Variants in GBP6 observed in about 807,000 individuals in gnomAD.
GBP6 encodes the protein guanylate-binding protein 6.
GBP6 carries 54 observed loss-of-function variants against 61.5 expected under a neutral mutation model. The observed-to-expected ratio is 0.88, with a 90% CI of 0.71 to 1.10. The LOEUF is 1.10. Among genes scored for constraint, GBP6 ranks in the 50% least tolerant of loss-of-function variants. The pLI, the probability that GBP6 is intolerant of heterozygous loss-of-function variation, is 0.00. For synonymous variants in GBP6, 255 were observed against 273.7 expected, an observed-to-expected ratio of 0.93 and a Z score of 0.67; for missense variants, 748 against 752.8, an observed-to-expected ratio of 0.99 and a Z score of 0.07.
At chr1:89,365,444 G>T (rs760957269) in intron 1 of GBP6, among the ~76,000 whole-genome samples, 1 of 152,192 alleles carries the variant, frequency 6.6e-6, no homozygotes, top group Admixed American at 6.5e-5. Flanking sequence ...TCAGGACCTC[G>T]TGTTTGATCT....
chr1:89,369,418 T>G, intron 2 of GBP6, 128 bp from the exon 3 acceptor site: 2 of 1,134,430 alleles, frequency 1.8e-6, no homozygotes, highest in Non-Finnish European at 2.4e-6. Context: ...AAGCCATTCT[T>G]GAGGAAATAC....
At position 89,383,674 on chromosome 1, in the gene GBP6, T is replaced by A; in HGVS notation, c.1388T>A (p.Phe463Tyr). 6.2e-7 allele frequency: 1 copy of A among 1,609,962 alleles called. No individual in the cohort carries two copies. The highest frequency in any genetic ancestry group is 8.5e-7 in the Non-Finnish European group (1 of 1,179,002). ...TAGGCAAAAGAGGTCTTCCAGAGGTTCCTGGAGTCACAGATGGTGATAGAG... is the reference window on the plus strand; with the variant it reads ...TAGGCAAAAGAGGTCTTCCAGAGGTACCTGGAGTCACAGATGGTGATAGAG... ...GVKAKEVFQR[F>Y]LESQMVIEES... is the part of the protein sequence containing the mutation. Residue 463 changes from phenylalanine (F) to tyrosine (Y), a missense_variant, in exon 9 of 11, where the codon TTC (phenylalanine) becomes TAC (tyrosine). By Grantham distance (22) the Phe-to-Tyr change is conservative. Transcript: ENST00000370456.
Position 89,378,513 on chromosome 1 carries a change from C to A in GBP6, c.525C>A (p.Asp175Glu), listed in dbSNP as rs1652871275. The A allele has an allele frequency of 1.9e-6, 3 of 1,614,108 alleles. No homozygotes were observed. The highest frequency in any genetic ancestry group is 2.5e-6 in the Non-Finnish European group (3 of 1,179,978). ...CAGAGTTTGTGAGTTTCTTCCCAGA[C>A]TTTCTTTGGACAGTACGGGATTTCA... ...DSTEFVSFFP[D>E]FLWTVRDFTL... Residue 175 changes from aspartate to glutamate, a missense_variant, in exon 5 of 11, where the codon GAC becomes GAA. Transcript: ENST00000370456.
At chr1:89,367,093 T>A (rs941066502) in intron 1 of GBP6, among the ~76,000 whole-genome samples, 1 of 152,236 alleles carries the variant, frequency 6.6e-6, no homozygotes, top group African/African-American at 2.4e-5. Context: ...TTTTGGCTAT[T>A]GTGCATAATG....
intron 1 of GBP6, among the ~76,000 whole-genome samples, chr1:89,364,830 A>C (rs1224606415): frequency 1.3e-5 from 2 of 151,722 alleles, no homozygotes; most frequent in African/African-American, 4.8e-5. Flanking sequence ...GTTTAAAATA[A>C]AAAAGATTTT....
At chr1:89,369,325 C>G (rs904241394) in intron 2 of GBP6, among the ~76,000 whole-genome samples, 5 of 152,178 alleles carry the variant, frequency 3.3e-5, no homozygotes, top group Non-Finnish European at 5.9e-5. Context: ...ATAGATTTCT[C>G]TTTGTCTCCA....
Position 89,385,253 on chromosome 1 carries a change from A to C in GBP6, c.1686A>C (p.Glu562Asp), listed in dbSNP as rs186525899. The C allele has an allele frequency of 6.2e-7, 1 of 1,613,714 alleles. No individual in the cohort carries two copies. Among genetic ancestry groups the C allele is most frequent in the African/African-American group, 1.3e-5 (1 of 75,050 alleles). ...AGGTCCAAAATGATTGGCTTCATGA[A>C]GGATTTAAGAAGAAGTATGAGGAGA... is the stretch of plus-strand genomic sequence containing the variant. Reference protein sequence around the residue: ...TQKVQNDWLHEGFKKKYEEMN... With the variant: ...TQKVQNDWLHDGFKKKYEEMN... Residue 562 changes from glutamate to aspartate, a missense_variant, in exon 11 of 11, where the codon GAA (glutamate) becomes GAC (aspartate). Transcript: ENST00000370456.
At chr1:89,382,900 G>T in intron 8 of GBP6, 24 bp downstream of exon 8, 1 of 1,522,862 alleles carries the variant, frequency 6.6e-7, no homozygotes, top group Non-Finnish European at 9.1e-7. Flanking sequence ...GGAGCATGGG[G>T]AAGTTTATAG....
intron 3 of GBP6, among the ~76,000 whole-genome samples, chr1:89,373,056 A>G (rs1476356870): frequency 2.0e-5 from 3 of 152,268 alleles, no homozygotes; most frequent in Non-Finnish European, 4.4e-5. Flanking sequence ...CAGCAGACAC[A>G]TGAAAAAACG....
intron 3 of GBP6, among the ~76,000 whole-genome samples, chr1:89,369,927 C>T (rs531728022): frequency 3.9e-5 from 6 of 152,288 alleles, no homozygotes; most frequent in African/African-American, 1.4e-4. Context: ...AGTTCCAGGC[C>T]TTGGGGCTGA....
At chr1:89,384,855 C>T (rs970186800) in intron 10 of GBP6, among the ~76,000 whole-genome samples, 1 of 152,136 alleles carries the variant, frequency 6.6e-6, no homozygotes, top group Non-Finnish European at 1.5e-5. Flanking sequence ...AAAGTTCTCT[C>T]ATAAGGGATT....
chr1:89,383,726 C>T lies in GBP6; in HGVS notation c.1440C>T (p.Ala480=). ...IEESILQSDK[A]LTDREKAVAV... ...AATCCATCTTGCAGTCAGATAAAGC[C>T]CTCACTGATAGAGAGAAGGCAGTAG... Residue 480 remains alanine (A), a synonymous_variant, in exon 9 of 11, where the codon GCC becomes GCT. Coordinates refer to ENST00000370456, the MANE Select transcript of GBP6 (RefSeq NM_198460.3). 6.2e-7 allele frequency: 1 copy of T among 1,612,556 alleles called. No individual in the cohort carries two copies. Among genetic ancestry groups the T allele is most frequent in the African/African-American group, 1.3e-5 (1 of 74,858 alleles).
At chr1:89,364,569 C>T (rs978204455) in intron 1 of GBP6, among the ~76,000 whole-genome samples, 1 of 151,202 alleles carries the variant, frequency 6.6e-6, no homozygotes, top group African/African-American at 2.4e-5. Flanking sequence ...AACTTAGGCC[C>T]CACATCACTG....
intron 4 of GBP6, 26 bp from the exon 5 acceptor site, chr1:89,378,391 G>A (rs1398289156): frequency 1.3e-6 from 2 of 1,599,014 alleles, no homozygotes; most frequent in Non-Finnish European, 1.7e-6. Flanking sequence ...TGGGCAGACA[G>A]TTGCTTTTCC....
Position 89,385,691 on chromosome 1 carries a change from C to G in GBP6, c.*222C>G. ...GGGATTATAGGTGTACACCACCACA[C>G]CCAGCTAATTTTTGTATTTTTAGTA... On this transcript the variant is annotated 3_prime_UTR_variant, in exon 11 of 11. Transcript: ENST00000370456. 2.5e-6 allele frequency: 1 copy of G among 404,584 alleles called. No individual in the cohort carries two copies. The highest frequency in any genetic ancestry group is 4.4e-6 in the Non-Finnish European group (1 of 227,438). The allele number at this position is 404,584 out of a possible 1,614,324, so 25.1% of individuals were successfully genotyped here.
At chr1:89,382,637 T>C (rs939373504) in intron 7 of GBP6, 27 bp from the exon 8 acceptor site, 6 of 1,579,822 alleles carry the variant, frequency 3.8e-6, no homozygotes, top group Non-Finnish European at 4.4e-6. Context: ...TTTCTTCTGG[T>C]GACATCTCTC....
chr1:89,380,393 T>A lies in GBP6; in HGVS notation c.633T>A (p.Asn211Lys), dbSNP rs756337261. Residue 211 changes from asparagine to lysine, a missense_variant, in exon 6 of 11, where the codon AAT becomes AAA. By Grantham distance (94) the Asn-to-Lys change is moderately conservative (BLOSUM62 0). Transcript: ENST00000370456. The stretch of plus-strand genomic sequence containing the variant: ...TTTTTTTTTATCCCTCAGGCAATAA[T>A]CCCAGAGTTCAAACATCCAATTTTC... ...ENALKLIQGN[N>K]PRVQTSNFPR... The A allele has an allele frequency of 3.7e-6, 6 of 1,613,268 alleles. No individual in the cohort carries two copies. Among genetic ancestry groups the A allele is most frequent in the Middle Eastern group, 1.6e-4 (1 of 6,062 alleles).
At chr1:89,368,809 AC>A in intron 2 of GBP6, 68 bp downstream of exon 2, 1 of 1,426,926 alleles carries the variant, frequency 7.0e-7, no homozygotes, top group South Asian at 1.3e-5. Flanking sequence ...TTGATTCTCT[AC>A]CCCAGAGCAC....
chr1:89,377,242 A>G (rs924058986), intron 3 of GBP6, among the ~76,000 whole-genome samples: 1 of 152,282 alleles, frequency 6.6e-6, no homozygotes, highest in East Asian at 1.9e-4. Flanking sequence ...GGAGCTCCCT[A>G]TTCAGTCTTA....
Sources: gnomAD v4.1 joint callset for allele counts (sites outside exome capture counted in the v4.1 genomes callset) on GRCh38, gnomAD v4.1.1 for gene constraint, MANE v1.5 for transcripts, NCBI Gene and HGNC (gene_info 2026-07-23, HGNC 2026-07-21) for gene names.